Variants in TMEM178B observed in about 807,000 individuals in gnomAD.
TMEM178B encodes transmembrane protein 178B.
A neutral mutation model predicts 31.0 loss-of-function variants in TMEM178B; 5 were observed. That is an observed-to-expected ratio of 0.16 (90% CI 0.08 to 0.34). The LOEUF (loss-of-function observed/expected upper bound fraction) is 0.34. TMEM178B is among the 10% of genes least tolerant of loss of function. The probability of loss-of-function intolerance (pLI) is 1.00; values close to 1 mark genes in which losing one functional copy is unlikely to be tolerated. For synonymous variants in TMEM178B, 164 were observed against 164.0 expected (o/e 1.00, Z 0.00); for missense variants, 275 against 400.3 (o/e 0.69, Z 2.67).
chr7:141,136,605 AG>A (rs1795679441), intron 1 of TMEM178B, among the ~76,000 whole-genome samples: 1 of 152,230 alleles, frequency 6.6e-6, no homozygotes, highest in Admixed American at 6.5e-5. Context: ...ATGGTAGAAA[AG>A]AATTACAAAC....
At chr7:141,195,510 C>A (rs190740341) in intron 1 of TMEM178B, among the ~76,000 whole-genome samples, 1 of 152,192 alleles carries the variant, frequency 6.6e-6, no homozygotes, top group Non-Finnish European at 1.5e-5. Context: ...CAGCGTGGAC[C>A]TTATTGTTCA....
chr7:141,338,504 C>G (rs190378720), intron 2 of TMEM178B, among the ~76,000 whole-genome samples: 2 of 152,272 alleles, frequency 1.3e-5, no homozygotes, highest in South Asian at 4.2e-4. Context: ...TGCCTGCCCT[C>G]TATTTGATAT....
At chr7:141,415,250 A>T (rs1801075384) in intron 2 of TMEM178B, 1 of 152,618 alleles carries the variant, frequency 6.6e-6, no homozygotes, top group Admixed American at 6.5e-5. Context: ...GCTTTAGCAG[A>T]AGTCATCTGG....
At chr7:141,170,449 TG>T (rs1342489535) in intron 1 of TMEM178B, among the ~76,000 whole-genome samples, 1 of 152,196 alleles carries the variant, frequency 6.6e-6, no homozygotes, top group Non-Finnish European at 1.5e-5. Context: ...CATGAGATCA[TG>T]GGTAAGTGAC....
downstream of TMEM178B, among the ~76,000 whole-genome samples, chr7:141,481,273 A>C (rs1440265038): frequency 6.6e-6 from 1 of 152,196 alleles, no homozygotes; most frequent in African/African-American, 2.4e-5. Flanking sequence ...AAACAGGTTT[A>C]GGGTCTTTTA....
rs1326242447 is a variant in TMEM178B, at chr7:141,449,563, A to T, written c.634+11818A>T. On this transcript the variant is annotated intron_variant, in intron 3 of 3. Transcript: ENST00000565468. ...GCCACCGGGCACCAGGGCAAACCGGACCAGACCAGACCAGACACAGGGTCC... is the reference window on the plus strand; with the variant it reads ...GCCACCGGGCACCAGGGCAAACCGGTCCAGACCAGACCAGACACAGGGTCC... Among the ~76,000 whole-genome samples, 3 of 152,188 alleles carry T rather than the reference A, an allele frequency of 2.0e-5. No individual in the cohort carries two copies. In the East Asian group the frequency reaches 5.8e-4, roughly 29 times the overall value.
intron 2 of TMEM178B, among the ~76,000 whole-genome samples, chr7:141,250,067 T>C (rs1797805223): frequency 6.6e-6 from 1 of 152,198 alleles, no homozygotes; most frequent in Non-Finnish European, 1.5e-5. Flanking sequence ...TTGGTAATAA[T>C]AAAAATAACT....
intron 2 of TMEM178B, among the ~76,000 whole-genome samples, chr7:141,368,180 A>ATGGTAG (rs1281923007): frequency 6.6e-6 from 1 of 152,156 alleles, no homozygotes; most frequent in Non-Finnish European, 1.5e-5. Flanking sequence ...TCAGCAGGGC[A>ATGGTAG]TGGTAGTGTG....
rs775764209 is a variant in TMEM178B, at chr7:141,437,676, G to A, written c.565G>A (p.Gly189Ser). 5.9e-6 allele frequency: 9 copies of A among 1,536,054 alleles called. No homozygotes were observed. The highest frequency in any genetic ancestry group is 1.4e-5 in the African/African-American group (1 of 73,034). Residue 189 changes from glycine (G) to serine (S), a missense_variant, in exon 3 of 4, where the codon GGC becomes AGC. Physicochemically the swap from Gly to Ser is moderately conservative, Grantham distance 56 (BLOSUM62 0). Transcript: ENST00000565468. Reference sequence around the variant, plus strand: ...CATCATCCTCTTTGGCTGGATCATCGGCGTGCTGGGCTGCTGCTGGGACCG... The same window carrying A: ...CATCATCCTCTTTGGCTGGATCATCAGCGTGCTGGGCTGCTGCTGGGACCG... The part of the protein sequence containing the change: ...VAIILFGWII[G>S]VLGCCWDRGL...
chr7:141,167,438 G>A (rs1335606342), intron 1 of TMEM178B, among the ~76,000 whole-genome samples: 7 of 152,240 alleles, frequency 4.6e-5, no homozygotes, highest in Non-Finnish European at 1.5e-5. Flanking sequence ...TGCGCGAATC[G>A]TGTTGCCCTC....
chr7:141,455,263 G>A (rs1801942923), intron 3 of TMEM178B, among the ~76,000 whole-genome samples: 1 of 152,152 alleles, frequency 6.6e-6, no homozygotes, highest in Admixed American at 6.5e-5. Context: ...GTTGTGATAG[G>A]CTTCCCTAGT....
In TMEM178B at chr7:141,323,112, AAGTTT is replaced by A. The variant is rs149199712; in HGVS notation, c.496+110412_496+110416del. Among the ~76,000 whole-genome samples the A allele has an allele frequency of 1.3e-3, 201 of 152,306 alleles. 1 individual carries two copies. The highest frequency in any genetic ancestry group is 4.7e-3 in the African/African-American group (196 of 41,568). The stretch of plus-strand genomic sequence containing the variant: ...TGAATGCTGCTTTTCACAGAATGTT[AAGTTT>A]AGTCAGGCTCTCTGCAGGTAGCTAA... On this transcript the variant is annotated intron_variant, in intron 2 of 3. Transcript: ENST00000565468.
chr7:141,344,594 T>TCCTC lies in TMEM178B; in HGVS notation c.497-93011_497-93010insCCCT, dbSNP rs1799581701. On this transcript the variant is annotated intron_variant, in intron 2 of 3. Transcript: ENST00000565468. This position sits in a 1 kb window ranked among gnomAD's most constrained non-coding sequence, Gnocchi z 4.1. Reference sequence around the variant, plus strand: ...CTCCTCCCTTCCTTCCTTCCTTCCTTCCTTCCTTCCTTCCTTCCTTCCTTC... The same window carrying TCCTC: ...CTCCTCCCTTCCTTCCTTCCTTCCTTCCTCCCTTCCTTCCTTCCTTCCTTCCTTC... 7.6e-6 allele frequency among the ~76,000 whole-genome samples: 1 copy of TCCTC among 131,566 alleles called. No individual in the cohort carries two copies. Among genetic ancestry groups the TCCTC allele is most frequent in the Admixed American group, 7.3e-5 (1 of 13,738 alleles). The allele number at this position is 131,566 out of a possible 152,430, so 86.3% of individuals were successfully genotyped here.
chr7:141,510,650 A>C, the TMEM178B span, among the ~76,000 whole-genome samples: 26 of 128,338 alleles, frequency 2.0e-4, no homozygotes, highest in African/African-American at 7.5e-4. Flanking sequence ...GCACTGTTGC[A>C]CTCCAGCCTG....
At chr7:141,422,000 T>G (rs1368820369) in intron 2 of TMEM178B, among the ~76,000 whole-genome samples, 1 of 152,200 alleles carries the variant, frequency 6.6e-6, no homozygotes, top group East Asian at 1.9e-4. Context: ...AGATCTAATA[T>G]CGGAACCTCA....
chr7:141,180,697 T>C (rs1182299291), intron 1 of TMEM178B, among the ~76,000 whole-genome samples: 2 of 152,180 alleles, frequency 1.3e-5, no homozygotes, highest in Admixed American at 6.5e-5. Flanking sequence ...ATTATCTTTT[T>C]AGTTTTCAAT....
At chr7:141,147,726 G>A (rs1049658830) in intron 1 of TMEM178B, among the ~76,000 whole-genome samples, 1 of 152,214 alleles carries the variant, frequency 6.6e-6, no homozygotes, top group Non-Finnish European at 1.5e-5. Context: ...AGAACACAGC[G>A]AGAGAGACAG....
intron 2 of TMEM178B, among the ~76,000 whole-genome samples, chr7:141,336,030 T>C (rs572073026): frequency 1.2e-4 from 18 of 152,280 alleles, no homozygotes; most frequent in African/African-American, 4.1e-4. Context: ...CTGACAATTG[T>C]AATTTAAAAT....
rs192424350 is a variant in TMEM178B, at chr7:141,217,645, C to T, written c.496+4941C>T. Reference sequence around the variant, plus strand: ...TACCTGCCTGAGGTTGCAGGGCAGACACCCATTGGAAGGTATTAGAAGTGG... The same window carrying T: ...TACCTGCCTGAGGTTGCAGGGCAGATACCCATTGGAAGGTATTAGAAGTGG... On this transcript the variant is annotated intron_variant, in intron 2 of 3. Coordinates refer to ENST00000565468, the MANE Select transcript of TMEM178B (RefSeq NM_001195278.2). 7.2e-5 allele frequency among the ~76,000 whole-genome samples: 11 copies of T among 152,282 alleles called. No individual in the cohort carries two copies. The East Asian group carries it at 2.1e-3, about 30-fold the overall frequency.
Sources: allele counts gnomAD v4.1 joint callset (sites outside exome capture counted in the v4.1 genomes callset), GRCh38; gene constraint gnomAD v4.1.1; non-coding constraint Gnocchi (gnomAD v3.1); transcripts MANE v1.5; gene names NCBI Gene and HGNC (gene_info 2026-07-23, HGNC 2026-07-21).